Variants in CHN1 observed in about 807,000 individuals in gnomAD.
The protein encoded by CHN1 is chimerin 1.
Under a neutral mutation model 59.5 loss-of-function variants are expected in CHN1, and 37 were observed. The observed-to-expected ratio is 0.62, with a 90% CI of 0.48 to 0.82. The LOEUF (loss-of-function observed/expected upper bound fraction) is 0.82, where lower values mean the gene tolerates loss of function less well. CHN1 is among the 40% of genes least tolerant of loss of function. The probability of loss-of-function intolerance (pLI) is 0.00; values close to 1 mark genes in which losing one functional copy is unlikely to be tolerated. For missense variants in CHN1, 469 were observed against 571.0 expected (o/e 0.82, Z 1.82); for synonymous variants, 206 against 200.4 (o/e 1.03, Z -0.24).
intron 4 of CHN1, 167 bp from the exon 5 acceptor site, chr2:174,915,338 C>T: frequency 1.6e-6 from 1 of 607,946 alleles, no homozygotes; most frequent in East Asian, 2.8e-5. Flanking sequence ...TTTCTCTGGA[C>T]CTGGCCCCCA....
chr2:174,843,974 C>CTGTGTG (rs34733435), intron 7 of CHN1, among the ~76,000 whole-genome samples: 44 of 150,080 alleles, frequency 2.9e-4, no homozygotes, highest in Middle Eastern at 3.4e-3. Flanking sequence ...CTCTCTTTCT[C>CTGTGTG]TGTGTGTGTG....
chr2:174,983,221 T>C (rs1691217754), intron 1 of CHN1, among the ~76,000 whole-genome samples: 2 of 151,366 alleles, frequency 1.3e-5, no homozygotes, highest in Non-Finnish European at 2.9e-5. Flanking sequence ...TTTTTAGTTC[T>C]TTTTATGTTT....
chr2:175,005,289 A>G lies in CHN1; in HGVS notation c.-377T>C, dbSNP rs1692032972. On this transcript the variant is annotated 5_prime_UTR_variant, in exon 1 of 13. Coordinates refer to ENST00000409900, the MANE Select transcript of CHN1 (RefSeq NM_001822.7). The stretch of plus-strand genomic sequence containing the variant: ...GGCGGCGGCGGCGGCGGCGACGGGG[A>G]GAGCAGCAGCAGCCTCGCACAGCCC... The G allele has an allele frequency of 8.6e-7, 1 of 1,160,554 alleles. No individual in the cohort carries two copies. Among genetic ancestry groups the G allele is most frequent in the South Asian group, 1.8e-5 (1 of 54,150 alleles). 71.9% of individuals were successfully genotyped at this position (1,160,554 alleles called of 1,614,324 possible). A position where few individuals can be genotyped will look rare whatever the true frequency, so the allele number is the denominator to read the frequency against.
At chr2:174,975,620 T>C (rs990740160) in intron 1 of CHN1, among the ~76,000 whole-genome samples, 6 of 145,640 alleles carry the variant, frequency 4.1e-5, no homozygotes, top group Non-Finnish European at 1.5e-5. Context: ...TTTTAATTTA[T>C]ATAAATTTTA....
chr2:174,853,179 T>C (rs1001685785), intron 6 of CHN1, among the ~76,000 whole-genome samples: 1 of 152,080 alleles, frequency 6.6e-6, no homozygotes, highest in Non-Finnish European at 1.5e-5. Context: ...GGAAAAATAT[T>C]TGCAAACTAT....
rs150108458 is a variant in CHN1, at chr2:174,955,075, C to T, written c.20-2873G>A. ...AATCAACAAGTGGATAAAGAAAATG[C>T]GGTATATACATCTATATATCTATAT... On this transcript the variant is annotated intron_variant, in intron 1 of 12. Coordinates refer to ENST00000409900, the MANE Select transcript of CHN1 (RefSeq NM_001822.7). 6.6e-3 allele frequency among the ~76,000 whole-genome samples: 991 copies of T among 150,570 alleles called. 18 individuals are homozygous for T. The highest frequency in any genetic ancestry group is 0.023 in the African/African-American group (940 of 41,130).
chr2:174,997,983 T>TC (rs2105471021), intron 1 of CHN1, among the ~76,000 whole-genome samples: 1 of 134,272 alleles, frequency 7.4e-6, no homozygotes, highest in South Asian at 2.4e-4. Flanking sequence ...TAAGACTCTG[T>TC]CTCGGGGGCG....
rs966598698 is a variant in CHN1 at position 174,918,387 on chromosome 2, A to G, written c.146+147T>C. ...TCTTTATTGTCTATATTGTTCACCA[A>G]TTAGATCACATTTGAAATTTTTAAG... is the stretch of plus-strand genomic sequence containing the variant. On this transcript the variant is annotated intron_variant, in intron 4 of 12. Transcript: ENST00000409900. The G allele has an allele frequency of 3.1e-5, 16 of 520,336 alleles. No individual in the cohort carries two copies. The Admixed American group carries it at 4.4e-4, about 14-fold the overall frequency. The allele number at this position is 520,336 out of a possible 1,614,324, so 32.2% of individuals were successfully genotyped here. A position where few individuals can be genotyped will look rare whatever the true frequency, so the allele number is the denominator to read the frequency against.
intron 6 of CHN1, among the ~76,000 whole-genome samples, chr2:174,867,758 A>G (rs1447737741): frequency 6.6e-6 from 1 of 152,214 alleles, no homozygotes; most frequent in Non-Finnish European, 1.5e-5. Context: ...AAGATTGTTC[A>G]TAGCCTAATG....
At chr2:174,910,923 A>AAG (rs1252643506) in intron 5 of CHN1, among the ~76,000 whole-genome samples, 1 of 146,094 alleles carries the variant, frequency 6.8e-6, no homozygotes. Context: ...AAAAAAAAAA[A>AAG]AGAGAAAGTA....
intron 6 of CHN1, among the ~76,000 whole-genome samples, chr2:174,868,200 C>T (rs1254493739): frequency 1.3e-5 from 2 of 152,064 alleles, no homozygotes; most frequent in African/African-American, 4.8e-5. Flanking sequence ...AAGTTAAGAA[C>T]AGTTTTAGAT....
chr2:174,917,094 G>A (rs1330420476), intron 4 of CHN1, among the ~76,000 whole-genome samples: 1 of 152,152 alleles, frequency 6.6e-6, no homozygotes, highest in African/African-American at 2.4e-5. Flanking sequence ...TCGGGAGGCT[G>A]AGGTGGGAGA....
chr2:174,825,839 G>T (rs1685664136), intron 7 of CHN1, among the ~76,000 whole-genome samples: 1 of 152,098 alleles, frequency 6.6e-6, no homozygotes, highest in African/African-American at 2.4e-5. Context: ...TACCATAAAT[G>T]TAAGACATAC....
At chr2:174,931,908 T>G (rs1335098862) in intron 3 of CHN1, among the ~76,000 whole-genome samples, 1 of 152,084 alleles carries the variant, frequency 6.6e-6, no homozygotes, top group East Asian at 1.9e-4. Context: ...CTGGTCAGGC[T>G]GAAGCAGAAT....
chr2:174,914,962 C>T (rs566372079), intron 5 of CHN1, 96 bp downstream of exon 5: 6 of 622,298 alleles, frequency 9.6e-6, no homozygotes, highest in Non-Finnish European at 1.6e-5. Context: ...AAACAAGAAC[C>T]AATTCAATTA....
chr2:174,970,180 A>G (rs1483872520), intron 1 of CHN1, among the ~76,000 whole-genome samples: 2 of 152,194 alleles, frequency 1.3e-5, no homozygotes, highest in African/African-American at 4.8e-5. Context: ...GTTAAAAAAA[A>G]GTGAGAAGTG....
At chr2:174,868,653 A>T (rs1687304156) in intron 6 of CHN1, among the ~76,000 whole-genome samples, 1 of 152,234 alleles carries the variant, frequency 6.6e-6, no homozygotes, top group African/African-American at 2.4e-5. Flanking sequence ...GAAAAGTTAT[A>T]ATCATTTCTC....
intron 2 of CHN1, chr2:174,945,265 T>C (rs1318842648): frequency 4.8e-6 from 2 of 414,594 alleles, no homozygotes; most frequent in Non-Finnish European, 9.8e-6. Flanking sequence ...AGGATGTCTA[T>C]GATATAAACC....
rs750708246 is a variant in CHN1 at position 174,799,504 on chromosome 2, A to G, written c.*612T>C. 1 of 514,596 alleles carries G rather than the reference A, an allele frequency of 1.9e-6. No individual in the cohort carries two copies. The highest frequency in any genetic ancestry group is 1.6e-5 in the South Asian group (1 of 64,500). The allele number at this position is 514,596 out of a possible 1,614,324, so 31.9% of individuals were successfully genotyped here. On this transcript the variant is annotated 3_prime_UTR_variant, in exon 13 of 13. Coordinates refer to ENST00000409900, the MANE Select transcript of CHN1 (RefSeq NM_001822.7). ...TTTAACAGAAAATGCTGTGTTGTAC[A>G]CTTTTTATTGGTATGGATAACCTTT...
Sources: allele counts gnomAD v4.1 joint callset (sites outside exome capture counted in the v4.1 genomes callset), GRCh38; gene constraint gnomAD v4.1.1; transcripts MANE v1.5; gene names NCBI Gene and HGNC (gene_info 2026-07-23, HGNC 2026-07-21).